The following CTNNA2 variants were observed in gnomAD, a reference collection of about 807,000 sequenced individuals.
The protein encoded by CTNNA2 is catenin alpha 2.
CTNNA2 carries 42 observed loss-of-function variants against 101.0 expected under a neutral mutation model. That is an observed-to-expected ratio of 0.42 (90% CI 0.32 to 0.54). CTNNA2 has a LOEUF of 0.54. CTNNA2 is among the 20% of genes least tolerant of loss of function. CTNNA2 has a pLI of 0.14. For missense variants in CTNNA2, 871 were observed against 1,223.1 expected, an observed-to-expected ratio of 0.71 and a Z score of 4.29; for synonymous variants, 450 against 456.4, an observed-to-expected ratio of 0.99 and a Z score of 0.18.
At chr2:79,384,586 G>A (rs1451946002) in intron 4 of CTNNA2, among the ~76,000 whole-genome samples, 1 of 152,096 alleles carries the variant, frequency 6.6e-6, no homozygotes, top group Non-Finnish European at 1.5e-5. Flanking sequence ...TGCATTAGGA[G>A]GTACTTAGGA....
At chr2:79,822,039 A>T (rs530574420) in intron 3 of CTNNA2, among the ~76,000 whole-genome samples, 1 of 152,336 alleles carries the variant, frequency 6.6e-6, no homozygotes, top group East Asian at 1.9e-4. Flanking sequence ...AAAGAATACA[A>T]TGTTTTTGCT....
At position 80,403,297 on chromosome 2, in the gene CTNNA2, T is replaced by C. The variant is rs142898758; in HGVS notation, c.1137+10006T>C. The stretch of plus-strand genomic sequence containing the variant: ...ATGAAAATCTTTATTGCACCTGCTG[T>C]AGGAGAAAGTTCCCCCGCAAAGTCT... On this transcript the variant is annotated intron_variant, in intron 8 of 18. Coordinates refer to ENST00000402739, the MANE Select transcript of CTNNA2 (RefSeq NM_001282597.3). Among the ~76,000 whole-genome samples, 378 of 152,336 alleles carry C rather than the reference T, an allele frequency of 2.5e-3. 2 individuals carry two copies. The highest frequency in any genetic ancestry group is 8.5e-3 in the African/African-American group (352 of 41,586).
intron 3 of CTNNA2, among the ~76,000 whole-genome samples, chr2:79,768,910 A>C (rs1008494654): frequency 6.6e-5 from 10 of 152,108 alleles, no homozygotes; most frequent in Admixed American, 5.2e-4. Flanking sequence ...GCTGGAGTGC[A>C]GTGGCGCCAT....
chr2:80,473,215 A>G (rs998284536), intron 9 of CTNNA2, among the ~76,000 whole-genome samples: 10 of 152,196 alleles, frequency 6.6e-5, no homozygotes, highest in Non-Finnish European at 1.5e-4. Flanking sequence ...CAGGCTCCTC[A>G]GCGATTGAGC....
chr2:79,570,485 G>T (rs1218143923), intron 1 of CTNNA2, among the ~76,000 whole-genome samples: 1 of 152,046 alleles, frequency 6.6e-6, no homozygotes, highest in Non-Finnish European at 1.5e-5. Context: ...TTAGATAAGG[G>T]AATTAAGAAT....
rs532309029 is a variant in CTNNA2 at position 80,194,720 on chromosome 2, T to A, written c.1057-198491T>A. On this transcript the variant is annotated intron_variant, in intron 7 of 18. Transcript: ENST00000402739. ...TTGAGGAAAAATACCCGTGTGTCAC[T>A]ATACATACTTATTAATATTAATTAT... Among the ~76,000 whole-genome samples, 6 of 150,226 alleles carry A rather than the reference T, an allele frequency of 4.0e-5. No homozygotes were observed. In the South Asian group the frequency reaches 1.3e-3, roughly 31 times the overall value.
At chr2:79,805,273 A>G (rs917078358) in intron 3 of CTNNA2, among the ~76,000 whole-genome samples, 2 of 152,190 alleles carry the variant, frequency 1.3e-5, no homozygotes, top group African/African-American at 4.8e-5. Flanking sequence ...AAATATTTGC[A>G]TTATATAATG....
intron 7 of CTNNA2, among the ~76,000 whole-genome samples, chr2:80,376,226 A>G (rs1476215913): frequency 6.6e-6 from 1 of 152,110 alleles, no homozygotes; most frequent in African/African-American, 2.4e-5. Context: ...TTCCTATGGG[A>G]CCAGAGTTTG....
At chr2:79,811,608 A>T (rs1677045497) in intron 3 of CTNNA2, among the ~76,000 whole-genome samples, 1 of 152,152 alleles carries the variant, frequency 6.6e-6, no homozygotes, top group Non-Finnish European at 1.5e-5. Flanking sequence ...TGCCAATACC[A>T]CACTGTATTG....
At chr2:80,635,280 G>A (rs928895851) in intron 18 of CTNNA2, among the ~76,000 whole-genome samples, 7 of 152,032 alleles carry the variant, frequency 4.6e-5, no homozygotes, top group African/African-American at 9.7e-5. Context: ...GCATTATTCT[G>A]TGTCAACTCA....
chr2:79,363,304 C>T (rs931224338), intron 3 of CTNNA2, among the ~76,000 whole-genome samples: 24 of 152,148 alleles, frequency 1.6e-4, no homozygotes, highest in Admixed American at 7.9e-4. Flanking sequence ...ACACTAATCC[C>T]ATTGGATCAG....
rs1288909942 is a variant in CTNNA2 at position 79,846,221 on chromosome 2, A to G, written c.299-11792A>G. The stretch of plus-strand genomic sequence containing the variant: ...TATGTGGTAGAATTTTCTATCTTTA[A>G]TCAACTTTTCTCATTCTGAGAATTG... On this transcript the variant is annotated intron_variant, in intron 3 of 18. Transcript: ENST00000402739. Among the ~76,000 whole-genome samples, 3 of 152,292 alleles carry G rather than the reference A, an allele frequency of 2.0e-5. No homozygotes were observed. The East Asian group carries it at 5.8e-4, about 29-fold the overall frequency.
At chr2:79,331,538 T>G (rs1573086047) in intron 3 of CTNNA2, among the ~76,000 whole-genome samples, 1 of 152,338 alleles carries the variant, frequency 6.6e-6, no homozygotes, top group Admixed American at 6.5e-5. Context: ...ACTTTTCTTA[T>G]TCTGCTTCTA....
chr2:79,805,602 GCTGTGACT>G (rs1676510475), intron 3 of CTNNA2, among the ~76,000 whole-genome samples: 1 of 152,106 alleles, frequency 6.6e-6, no homozygotes, highest in Non-Finnish European at 1.5e-5. Context: ...GGTAATTTTG[GCTGTGACT>G]CCTGTTTTGC....
intron 7 of CTNNA2, among the ~76,000 whole-genome samples, chr2:80,081,320 A>G (rs1033374489): frequency 4.6e-5 from 7 of 151,964 alleles, no homozygotes; most frequent in Admixed American, 3.3e-4. Flanking sequence ...AAAACTGTCA[A>G]TTCCCAGCAG....
At chr2:80,262,047 A>G (rs1672648177) in intron 7 of CTNNA2, among the ~76,000 whole-genome samples, 1 of 152,194 alleles carries the variant, frequency 6.6e-6, no homozygotes, top group South Asian at 2.1e-4. Context: ...AATATGATTA[A>G]TAACAATTGT....
At chr2:79,303,165 C>T (rs1676153081) in intron 2 of CTNNA2, among the ~76,000 whole-genome samples, 1 of 152,116 alleles carries the variant, frequency 6.6e-6, no homozygotes, top group African/African-American at 2.4e-5. Flanking sequence ...GAAAATCAAC[C>T]TTGTCTCATC....
chr2:79,251,314 T>C (rs575344621), intron 2 of CTNNA2, among the ~76,000 whole-genome samples: 63 of 152,264 alleles, frequency 4.1e-4, no homozygotes, highest in Admixed American at 1.3e-3. Context: ...GTCTCCCTAC[T>C]TGCCTGGAGC....
chr2:80,209,758 C>G (rs1296104705), intron 7 of CTNNA2, among the ~76,000 whole-genome samples: 2 of 152,142 alleles, frequency 1.3e-5, no homozygotes, highest in Non-Finnish European at 2.9e-5. Flanking sequence ...CAAGTTGTTT[C>G]AGTCAGTTAA....
Sources: gnomAD v4.1 joint callset for allele counts (sites outside exome capture counted in the v4.1 genomes callset) on GRCh38, gnomAD v4.1.1 for gene constraint, MANE v1.5 for transcripts, NCBI Gene and HGNC (gene_info 2026-07-23, HGNC 2026-07-21) for gene names.